Variants in CSMD2 observed in about 807,000 individuals in gnomAD.
CSMD2 encodes the protein CUB and Sushi multiple domains 2, also known as CUB and sushi domain-containing protein 2.
CSMD2 carries 130 observed loss-of-function variants against 398.5 expected under a neutral mutation model. The ratio of observed to expected loss-of-function variants is 0.33; its 90% CI spans 0.28 to 0.38. The LOEUF (loss-of-function observed/expected upper bound fraction) is 0.38. Ranked by LOEUF, CSMD2 falls within the 10% of genes least tolerant of loss-of-function variation. The pLI, the probability that CSMD2 is intolerant of heterozygous loss-of-function variation, is 1.00. For synonymous variants in CSMD2, 1,828 were observed against 1,908.5 expected (o/e 0.96, Z 1.10); for missense variants, 3,829 against 4,764.9 (o/e 0.80, Z 5.78).
At chr1:33,565,459 T>TA (rs571613145) in intron 53 of CSMD2, among the ~76,000 whole-genome samples, 2 of 151,044 alleles carry the variant, frequency 1.3e-5, no homozygotes, top group Non-Finnish European at 3.0e-5. Context: ...AACCTTATAT[T>TA]AAAAAAAATA....
intron 4 of CSMD2, among the ~76,000 whole-genome samples, chr1:33,920,282 A>C (rs1215706230): frequency 6.6e-6 from 1 of 151,794 alleles, no homozygotes; most frequent in East Asian, 1.9e-4. Context: ...TAATCCCAGC[A>C]ATTTGGGAGG....
Position 33,698,749 on chromosome 1 carries a change from C to T in CSMD2, c.3925+4G>A. The T allele has an allele frequency of 6.2e-7, 1 of 1,609,636 alleles. No individual in the cohort carries two copies. The highest frequency in any genetic ancestry group is 8.5e-7 in the Non-Finnish European group (1 of 1,177,486). On this transcript the variant is annotated splice_donor_region_variant and intron_variant, in intron 24 of 70. Transcript: ENST00000373381. Reference sequence around the variant, plus strand: ...GGTTCCCTGCAGAGGAAGAGCCCTCCTACCGACACAGGTGGGCAGAGGCCG... The same window carrying T: ...GGTTCCCTGCAGAGGAAGAGCCCTCTTACCGACACAGGTGGGCAGAGGCCG...
intron 10 of CSMD2, among the ~76,000 whole-genome samples, chr1:33,803,896 A>G (rs895613659): frequency 1.8e-4 from 27 of 152,200 alleles, no homozygotes; most frequent in African/African-American, 6.5e-4. Context: ...CACTGAGGTG[A>G]AGCCCAGCCC....
At position 33,600,948 on chromosome 1, in the gene CSMD2, G is replaced by A. The variant is rs770306170; in HGVS notation, c.6773C>T (p.Thr2258Ile). ...GACCTGGTTGGATGAACTCTGCACT[G>A]TTTTCTTGGCCATGCTCCGGGTGAA... is the stretch of plus-strand genomic sequence containing the variant. ...GVFTRSMAKK[T>I]VQSSSNQVLL... Residue 2258 changes from threonine (T) to isoleucine (I), a missense_variant, in exon 44 of 71, where the codon ACA becomes ATA. By Grantham distance (89) the Thr-to-Ile change is moderately conservative. Transcript: ENST00000373381. 2 of 1,614,134 alleles carry A rather than the reference G, an allele frequency of 1.2e-6. No individual in the cohort carries two copies. Among genetic ancestry groups the A allele is most frequent in the Non-Finnish European group, 1.7e-6 (2 of 1,180,022 alleles).
intron 1 of CSMD2, among the ~76,000 whole-genome samples, chr1:34,115,646 TC>T (rs1231939027): frequency 4.6e-5 from 7 of 151,978 alleles, no homozygotes; most frequent in African/African-American, 1.7e-4. Flanking sequence ...TATATAACTC[TC>T]TAGTAAAAAT....
At position 33,705,934 on chromosome 1, in the gene CSMD2, TA is replaced by T. The variant is rs113435498; in HGVS notation, c.3576+3154del. 4.9e-3 allele frequency among the ~76,000 whole-genome samples: 716 copies of T among 145,184 alleles called. 8 individuals are homozygous for T. The East Asian group carries it at 0.052, about 11-fold the overall frequency. On this transcript the variant is annotated intron_variant, in intron 22 of 70. Coordinates refer to ENST00000373381, the MANE Select transcript of CSMD2 (RefSeq NM_001281956.2). Reference sequence around the variant, plus strand: ...TGCTAGTATTGTCTACTTTATTATTTAAAAAAAAAAAAAACAGTTGGTTTGG... The same window carrying T: ...TGCTAGTATTGTCTACTTTATTATTTAAAAAAAAAAAAACAGTTGGTTTGG...
At chr1:33,556,594 G>T (rs1657997162) in intron 55 of CSMD2, among the ~76,000 whole-genome samples, 1 of 152,130 alleles carries the variant, frequency 6.6e-6, no homozygotes, top group African/African-American at 2.4e-5. Context: ...AAACCAAGGG[G>T]TTGCTCTTCT....
At chr1:33,562,366 G>C (rs577605337) in intron 53 of CSMD2, among the ~76,000 whole-genome samples, 18 of 152,300 alleles carry the variant, frequency 1.2e-4, no homozygotes, top group African/African-American at 4.1e-4. Flanking sequence ...AGGCTTTCTG[G>C]CTGCTTGGAA....
At chr1:33,555,953 T>C (rs1391679856) in intron 55 of CSMD2, among the ~76,000 whole-genome samples, 3 of 152,120 alleles carry the variant, frequency 2.0e-5, no homozygotes, top group Admixed American at 6.5e-5. Context: ...AACAGGAGTT[T>C]GGAGTAAGCT....
chr1:33,653,031 T>C (rs1016731011), intron 27 of CSMD2, among the ~76,000 whole-genome samples: 11 of 152,164 alleles, frequency 7.2e-5, no homozygotes, highest in African/African-American at 2.2e-4. Flanking sequence ...TCACAGGATT[T>C]CAGGCGTGAG....
At chr1:33,927,506 G>A (rs183003006) in intron 4 of CSMD2, among the ~76,000 whole-genome samples, 1 of 152,238 alleles carries the variant, frequency 6.6e-6, no homozygotes, top group East Asian at 1.9e-4. Context: ...GAGAGCATAG[G>A]TATTATCGTG....
intron 3 of CSMD2, among the ~76,000 whole-genome samples, chr1:33,995,414 T>A (rs973957103): frequency 1.3e-5 from 2 of 152,190 alleles, no homozygotes; most frequent in African/African-American, 4.8e-5. Context: ...GCCTAGTGGC[T>A]TCAGGGCTAA....
At chr1:33,865,462 G>A (rs528122176) in intron 5 of CSMD2, among the ~76,000 whole-genome samples, 4 of 151,028 alleles carry the variant, frequency 2.6e-5, no homozygotes, top group Non-Finnish European at 5.9e-5. Context: ...GTGGATAGAT[G>A]TATAATATGT....
intron 2 of CSMD2, among the ~76,000 whole-genome samples, chr1:34,039,379 T>C (rs1651563694): frequency 6.6e-6 from 1 of 152,188 alleles, no homozygotes; most frequent in Non-Finnish European, 1.5e-5. Flanking sequence ...GCAACTCCCC[T>C]AAGCAAAGAG....
At chr1:33,888,597 T>G (rs756060233) in intron 5 of CSMD2, among the ~76,000 whole-genome samples, 8 of 152,124 alleles carry the variant, frequency 5.3e-5, no homozygotes, top group Non-Finnish European at 8.8e-5. Context: ...AAAAATATAA[T>G]TCACACAGAT....
rs1316365439 is a variant in CSMD2 at position 34,163,578 on chromosome 1, CT to C, written c.187+1332del. 6.6e-6 allele frequency among the ~76,000 whole-genome samples: 1 copy of C among 152,206 alleles called. No individual in the cohort carries two copies. The highest frequency in any genetic ancestry group is 1.5e-5 in the Non-Finnish European group (1 of 68,042). ...ACTGACCTGCCAGAGGAGAGGCGCACTTTCCCAAGAAGGGGAACTGGGGTGG... is the reference window on the plus strand; with the variant it reads ...ACTGACCTGCCAGAGGAGAGGCGCACTTCCCAAGAAGGGGAACTGGGGTGG... On this transcript the variant is annotated intron_variant, in intron 1 of 70. Coordinates refer to ENST00000373381, the MANE Select transcript of CSMD2 (RefSeq NM_001281956.2). This position sits in a 1 kb window ranked among gnomAD's most constrained non-coding sequence, Gnocchi z 5.4.
At chr1:33,938,934 G>A (rs1644577393) in intron 3 of CSMD2, among the ~76,000 whole-genome samples, 1 of 151,436 alleles carries the variant, frequency 6.6e-6, no homozygotes, top group South Asian at 2.1e-4. Context: ...TGACTTACTT[G>A]GCATTTCCCA....
intron 44 of CSMD2, chr1:33,599,683 C>T (rs747974632): frequency 6.5e-6 from 1 of 153,974 alleles, no homozygotes; most frequent in East Asian, 1.9e-4. Flanking sequence ...ATTAGTGGAG[C>T]GACAGGTGTG....
At chr1:33,606,001 G>A in intron 41 of CSMD2, 1 of 1,608,528 alleles carries the variant, frequency 6.2e-7, no homozygotes, top group Non-Finnish European at 8.5e-7. Flanking sequence ...GTGGCAAGGA[G>A]AGAAGCTTTT....
Sources: gnomAD v4.1 joint callset for allele counts (sites outside exome capture counted in the v4.1 genomes callset) on GRCh38, gnomAD v4.1.1 for gene constraint, Gnocchi (gnomAD v3.1) non-coding constraint, MANE v1.5 for transcripts, NCBI Gene and HGNC (gene_info 2026-07-23, HGNC 2026-07-21) for gene names.